Variants in CYP2J2 observed in about 807,000 individuals in gnomAD.
CYP2J2 encodes cytochrome P450 2J2.
A neutral mutation model predicts 48.8 loss-of-function variants in CYP2J2; 41 were observed. The ratio of observed to expected loss-of-function variants is 0.84; its 90% CI spans 0.66 to 1.09. The LOEUF (loss-of-function observed/expected upper bound fraction) is 1.09, where lower values mean the gene tolerates loss of function less well. CYP2J2 is among the 50% of genes least tolerant of loss of function. The pLI is 0.00. For synonymous variants in CYP2J2, 221 were observed against 227.1 expected, an observed-to-expected ratio of 0.97 and a Z score of 0.24; for missense variants, 644 against 617.3, an observed-to-expected ratio of 1.04 and a Z score of -0.46.
chr1:59,900,360 G>C (rs1644308324), intron 8 of CYP2J2, among the ~76,000 whole-genome samples: 1 of 152,210 alleles, frequency 6.6e-6, no homozygotes, highest in Non-Finnish European at 1.5e-5. Flanking sequence ...GGGTGTGGTG[G>C]CTCACACCTG....
chr1:59,905,898 C>T (rs1644360668), intron 6 of CYP2J2, among the ~76,000 whole-genome samples: 1 of 152,146 alleles, frequency 6.6e-6, no homozygotes, highest in South Asian at 2.1e-4. Context: ...GACCTGACTG[C>T]CCAGCTAAAG....
chr1:59,913,982 GGCC>G (rs1450847413), intron 2 of CYP2J2, among the ~76,000 whole-genome samples: 1 of 152,032 alleles, frequency 6.6e-6, no homozygotes, highest in Non-Finnish European at 1.5e-5. Flanking sequence ...TTGTCATGTT[GGCC>G]ACCTTTCATT....
intron 7 of CYP2J2, among the ~76,000 whole-genome samples, 172 bp downstream of exon 7, chr1:59,904,699 A>G (rs1644350159): frequency 6.6e-6 from 1 of 152,088 alleles, no homozygotes; most frequent in African/African-American, 2.4e-5. Flanking sequence ...CCCTCCCCAC[A>G]ATACCTATTT....
upstream of CYP2J2, among the ~76,000 whole-genome samples, chr1:59,931,165 C>T (rs1427523809): frequency 6.6e-6 from 1 of 152,144 alleles, no homozygotes; most frequent in Non-Finnish European, 1.5e-5. Context: ...TGCAAACAAT[C>T]ACAGGTTAAT....
chr1:59,911,425 A>G (rs570396912), intron 4 of CYP2J2, among the ~76,000 whole-genome samples, 183 bp downstream of exon 4: 1 of 152,338 alleles, frequency 6.6e-6, no homozygotes, highest in South Asian at 2.1e-4. Flanking sequence ...GCATATAAAT[A>G]TTCCATATTA....
the CYP2J2 span, among the ~76,000 whole-genome samples, chr1:59,964,919 C>T: frequency 1.3e-5 from 2 of 152,016 alleles, no homozygotes; most frequent in East Asian, 3.9e-4. Context: ...TACATGGGGC[C>T]AGTTAAGAGT....
At chr1:59,927,298 G>C (rs11572188), upstream of CYP2J2, among the ~76,000 whole-genome samples, 11,386 of 152,186 alleles carry the variant, frequency 0.075, 449 homozygotes, top group African/African-American at 0.11. Flanking sequence ...AAGATTAAAA[G>C]GCACTACACC....
At chr1:59,912,433 C>T (rs1644426344) in intron 2 of CYP2J2, 122 bp from the exon 3 acceptor site, 3 of 1,041,142 alleles carry the variant, frequency 2.9e-6, no homozygotes, top group Admixed American at 4.7e-5. Flanking sequence ...TTGAAAACTG[C>T]CCAGAGAAAT....
intron 1 of CYP2J2, among the ~76,000 whole-genome samples, chr1:59,920,267 C>A (rs1020786928): frequency 6.7e-6 from 1 of 149,130 alleles, no homozygotes; most frequent in African/African-American, 2.5e-5. Context: ...GTGAGAACAC[C>A]ATATACAGAT....
chr1:59,925,117 T>C (rs923819854), intron 1 of CYP2J2, among the ~76,000 whole-genome samples: 1 of 152,142 alleles, frequency 6.6e-6, no homozygotes, highest in African/African-American at 2.4e-5. Flanking sequence ...TAAATGTGTA[T>C]GTGCAAAACA....
At chr1:59,897,344 CCATT>C (rs1359983633) in intron 8 of CYP2J2, among the ~76,000 whole-genome samples, 1 of 152,200 alleles carries the variant, frequency 6.6e-6, no homozygotes, top group Non-Finnish European at 1.5e-5. Flanking sequence ...TATTAATAAA[CCATT>C]CATTCTCGCA....
At chr1:59,932,264 A>G in the CYP2J2 span, among the ~76,000 whole-genome samples, 1 of 152,132 alleles carries the variant, frequency 6.6e-6, no homozygotes, top group African/African-American at 2.4e-5. Context: ...TTTACTATCA[A>G]CCTTTGAGAT....
chr1:59,896,412 G>A (rs1165430923), intron 8 of CYP2J2, among the ~76,000 whole-genome samples: 1 of 151,786 alleles, frequency 6.6e-6, no homozygotes, highest in East Asian at 1.9e-4. Context: ...TTGAAAATCT[G>A]AGTTCATTGT....
At chr1:59,907,459 TAAAAG>T (rs1644374356) in intron 6 of CYP2J2, among the ~76,000 whole-genome samples, 1 of 152,154 alleles carries the variant, frequency 6.6e-6, no homozygotes, top group Non-Finnish European at 1.5e-5. Flanking sequence ...AGGCATCACT[TAAAAG>T]AAGGGAAGGA....
chr1:59,965,398 G>A, the CYP2J2 span, among the ~76,000 whole-genome samples: 484 of 152,284 alleles, frequency 3.2e-3, 4 homozygotes, highest in Non-Finnish European at 4.9e-3. Flanking sequence ...CTGAGCCCTG[G>A]GCTACTCCAA....
Position 59,916,119 on chromosome 1 carries a change from G to GT in CYP2J2, c.211-20dup. 2 of 1,601,256 alleles carry GT rather than the reference G, an allele frequency of 1.2e-6. No individual in the cohort carries two copies. The highest frequency in any genetic ancestry group is 2.2e-5 in the East Asian group (1 of 44,706). On this transcript the variant is annotated intron_variant, in intron 1 of 8. Transcript: ENST00000371204. ...TCACAAACTGAAAAATAGTTAAATC[G>GT]TAACAGTTGAATATGCACATGTCCA... is the stretch of plus-strand genomic sequence containing the variant.
In CYP2J2 at chr1:59,907,774, T is replaced by G; in HGVS notation, c.1003+12A>C. Reference sequence around the variant, plus strand: ...TCTGTCCTGGTTCAGGCTTACTCACTGACATGCTCACCTTGGATTTCTGGG... The same window carrying G: ...TCTGTCCTGGTTCAGGCTTACTCACGGACATGCTCACCTTGGATTTCTGGG... On this transcript the variant is annotated intron_variant, in intron 6 of 8. Transcript: ENST00000371204. The G allele has an allele frequency of 6.2e-7, 1 of 1,613,780 alleles. No homozygotes were observed. Among genetic ancestry groups the G allele is most frequent in the Non-Finnish European group, 8.5e-7 (1 of 1,179,802 alleles).
intron 8 of CYP2J2, among the ~76,000 whole-genome samples, chr1:59,895,296 C>T (rs974188425): frequency 6.6e-5 from 10 of 152,220 alleles, no homozygotes; most frequent in African/African-American, 2.2e-4. Context: ...ACAACTTTCA[C>T]GGCTTTGGCC....
intron 7 of CYP2J2, among the ~76,000 whole-genome samples, chr1:59,902,691 G>A (rs538815026): frequency 6.6e-6 from 1 of 152,190 alleles, no homozygotes; most frequent in East Asian, 1.9e-4. Flanking sequence ...CTGAGATTAC[G>A]GGTGTGAGCC....
Sources: gnomAD v4.1 joint callset for allele counts (sites outside exome capture counted in the v4.1 genomes callset) on GRCh38, gnomAD v4.1.1 for gene constraint, MANE v1.5 for transcripts, NCBI Gene and HGNC (gene_info 2026-07-23, HGNC 2026-07-21) for gene names.